STEAP3: variants seen among roughly 807,000 people sequenced by gnomAD.
STEAP3 encodes metalloreductase STEAP3.
STEAP3 carries 35 observed loss-of-function variants against 34.9 expected under a neutral mutation model. The ratio of observed to expected loss-of-function variants is 1.00; its 90% CI spans 0.76 to 1.33. The LOEUF (loss-of-function observed/expected upper bound fraction) is 1.33. Ranked by LOEUF, STEAP3 falls within the 40% of genes most tolerant of loss-of-function variation. The probability of loss-of-function intolerance (pLI) is 0.00; values close to 1 mark genes in which losing one functional copy is unlikely to be tolerated. For missense variants in STEAP3, 652 were observed against 667.6 expected (o/e 0.98, Z 0.26); for synonymous variants, 281 against 301.6 (o/e 0.93, Z 0.71).
At chr2:119,257,633 C>G in intron 5 of STEAP3, 1 of 1,485,376 alleles carries the variant, frequency 6.7e-7, no homozygotes, top group South Asian at 1.4e-5. Context: ...AGGATTTGAG[C>G]TGGACACGTT....
At position 119,245,873 on chromosome 2, in the gene STEAP3, G is replaced by A. The variant is rs748000954; in HGVS notation, c.407G>A (p.Arg136His). 1.8e-5 allele frequency: 29 copies of A among 1,613,974 alleles called. No individual in the cohort carries two copies. The highest frequency in any genetic ancestry group is 6.7e-5 in the Admixed American group (4 of 59,998). ...NPTEQEHLQHRESNAEYLASL... is the reference protein window; with the variant it reads ...NPTEQEHLQHHESNAEYLASL... ...ACAGAGCAAGAGCACCTTCAGCATC[G>A]TGAGTCCAATGCTGAGTACCTGGCC... Residue 136 changes from arginine to histidine, a missense_variant, in exon 3 of 6, where the codon CGT becomes CAT. Transcript: ENST00000393110.
Position 119,245,922 on chromosome 2 carries a change from G to A in STEAP3, c.456G>A (p.Val152=), listed in dbSNP as rs1573559612. ...CCTCCCTCTTCCCCACTTGCACAGT[G>A]GTCAAGGCCTTCAATGTCATCTCTG... ...YLASLFPTCT[V]VKAFNVISAW... The change falls in exon 3 of 6, where the codon GTG becomes GTA. Residue 152 remains valine (V), a synonymous_variant. Transcript: ENST00000393110. The A allele has an allele frequency of 6.2e-7, 1 of 1,613,978 alleles. No individual in the cohort carries two copies. The highest frequency in any genetic ancestry group is 2.2e-5 in the East Asian group (1 of 44,886).
intron 2 of STEAP3, among the ~76,000 whole-genome samples, chr2:119,231,632 G>A (rs1179040981): frequency 2.0e-5 from 3 of 152,140 alleles, no homozygotes; most frequent in East Asian, 1.9e-4. Flanking sequence ...CGAAACTTGC[G>A]CGCACGTGTA....
At chr2:119,242,573 C>T (rs1187038221) in intron 2 of STEAP3, among the ~76,000 whole-genome samples, 1 of 152,186 alleles carries the variant, frequency 6.6e-6, no homozygotes, top group Non-Finnish European at 1.5e-5. Context: ...TGCCCTCCCT[C>T]CACCTGGGCC....
At chr2:119,256,662 G>A (rs936506387) in intron 5 of STEAP3, among the ~76,000 whole-genome samples, 11 of 152,236 alleles carry the variant, frequency 7.2e-5, no homozygotes, top group Non-Finnish European at 1.3e-4. Flanking sequence ...GAGCAGGGGG[G>A]GTTAGGTGGG....
rs1677393814 is a variant in STEAP3, at chr2:119,245,664, G to A, written c.198G>A (p.Val66=). The A allele has an allele frequency of 3.7e-6, 6 of 1,612,488 alleles. No individual in the cohort carries two copies. Among genetic ancestry groups the A allele is most frequent in the Non-Finnish European group, 5.1e-6 (6 of 1,178,644 alleles). Residue 66 remains valine, a synonymous_variant, in exon 3 of 6, where the codon GTG becomes GTA. Coordinates refer to ENST00000393110, the MANE Select transcript of STEAP3 (RefSeq NM_182915.3). The part of the protein sequence containing the change: ...RLVGSGFKVV[V]GSRNPKRTAR... ...TGGGCTCTGGCTTCAAAGTGGTGGTGGGGAGCCGCAACCCCAAACGCACAG... is the reference window on the plus strand; with the variant it reads ...TGGGCTCTGGCTTCAAAGTGGTGGTAGGGAGCCGCAACCCCAAACGCACAG...
In STEAP3 at chr2:119,248,216, C is replaced by T; in HGVS notation, c.1050+10C>T. 1.3e-6 allele frequency: 2 copies of T among 1,563,760 alleles called. No individual in the cohort carries two copies. The highest frequency in any genetic ancestry group is 1.2e-5 in the South Asian group (1 of 85,082). ...CCTGGCAGTCAAGCAGGTACCCACC[C>T]CATGCCCTTCCTCCCTCTGGCAACT... On this transcript the variant is annotated intron_variant, in intron 4 of 5. Coordinates refer to ENST00000393110, the MANE Select transcript of STEAP3 (RefSeq NM_182915.3).
At chr2:119,251,510 A>T (rs548969410) in intron 4 of STEAP3, among the ~76,000 whole-genome samples, 111 of 152,278 alleles carry the variant, frequency 7.3e-4, no homozygotes, top group African/African-American at 2.6e-3. Context: ...GATCAAAGAA[A>T]TGTTTAACCT....
chr2:119,242,400 C>T (rs1677273696), intron 2 of STEAP3, among the ~76,000 whole-genome samples: 1 of 152,160 alleles, frequency 6.6e-6, no homozygotes, highest in African/African-American at 2.4e-5. Context: ...AGACTTGGCC[C>T]TCCCGACCAC....
chr2:119,246,312 T>G, intron 3 of STEAP3: 1 of 302,264 alleles, frequency 3.3e-6, no homozygotes, highest in Non-Finnish European at 6.2e-6. Context: ...GGAGAGAGAC[T>G]TGGCTTTTAG....
chr2:119,243,706 A>G (rs1367526908), intron 2 of STEAP3, among the ~76,000 whole-genome samples: 1 of 152,250 alleles, frequency 6.6e-6, no homozygotes, highest in Non-Finnish European at 1.5e-5. Context: ...TTGTCATCTG[A>G]GAGCAGAGAT....
intron 5 of STEAP3, among the ~76,000 whole-genome samples, chr2:119,255,180 G>A (rs980861588): frequency 1.1e-4 from 16 of 152,266 alleles, no homozygotes; most frequent in Admixed American, 8.5e-4. Flanking sequence ...GAAGTCATTG[G>A]ACATTTTGCT....
intron 2 of STEAP3, among the ~76,000 whole-genome samples, chr2:119,233,683 G>C (rs1331875374): frequency 6.6e-6 from 1 of 152,186 alleles, no homozygotes; most frequent in Non-Finnish European, 1.5e-5. Context: ...CCAATGAGGT[G>C]ACAGACAAGA....
intron 5 of STEAP3, among the ~76,000 whole-genome samples, chr2:119,260,086 A>G (rs1677894483): frequency 2.0e-5 from 3 of 152,150 alleles, no homozygotes; most frequent in African/African-American, 4.8e-5. Flanking sequence ...GGGCACTAGT[A>G]TTTTACCCAA....
intron 4 of STEAP3, among the ~76,000 whole-genome samples, chr2:119,250,887 A>G (rs765221121): frequency 6.6e-5 from 10 of 152,128 alleles, no homozygotes; most frequent in Non-Finnish European, 1.5e-4. Flanking sequence ...CTCCCGCAGG[A>G]CGAGATCAGT....
chr2:119,234,917 C>T (rs1359604639), intron 2 of STEAP3, among the ~76,000 whole-genome samples: 2 of 152,222 alleles, frequency 1.3e-5, no homozygotes, highest in African/African-American at 4.8e-5. Flanking sequence ...TTCCCATACG[C>T]TGGCGATGGG....
rs370224151 is a variant in STEAP3 at position 119,245,544 on chromosome 2, C to G, written c.78C>G (p.Asp26Glu). The G allele has an allele frequency of 2.9e-5, 47 of 1,600,592 alleles. No homozygotes were observed. The highest frequency in any genetic ancestry group is 3.9e-5 in the Non-Finnish European group (46 of 1,169,116). Residue 26 changes from aspartate (D) to glutamate (E), a missense_variant, in exon 3 of 6, where the codon GAC becomes GAG. By Grantham distance (45) the Asp-to-Glu change is conservative (BLOSUM62 2). Transcript: ENST00000393110. ...CACTGATCAGCCTCCACCTGGTGGA[C>G]AGCGATAGTAGCCTTGCCAAGGTCC... ...DKPLISLHLVDSDSSLAKVPD... is the reference protein window; with the variant it reads ...DKPLISLHLVESDSSLAKVPD...
intron 2 of STEAP3, among the ~76,000 whole-genome samples, chr2:119,240,873 C>G: frequency 6.6e-6 from 1 of 152,154 alleles, no homozygotes. Context: ...ACCCTCACCT[C>G]AGGCCGCAGG....
chr2:119,242,435 C>G (rs969544485), intron 2 of STEAP3, among the ~76,000 whole-genome samples: 2 of 152,152 alleles, frequency 1.3e-5, no homozygotes, highest in African/African-American at 2.4e-5. Flanking sequence ...TTGAATTCAC[C>G]TCGGCCCAAA....
Sources: gnomAD v4.1 joint callset for allele counts (sites outside exome capture counted in the v4.1 genomes callset) on GRCh38, gnomAD v4.1.1 for gene constraint, MANE v1.5 for transcripts, NCBI Gene and HGNC (gene_info 2026-07-23, HGNC 2026-07-21) for gene names.